The following RABGAP1L variants were observed in gnomAD, a reference collection of about 807,000 sequenced individuals.
RABGAP1L encodes the protein RAB GTPase activating protein 1 like, also known as rab GTPase-activating protein 1-like.
Under a neutral mutation model 137.7 loss-of-function variants are expected in RABGAP1L, and 63 were observed. That is an observed-to-expected ratio of 0.46 (90% CI 0.37 to 0.56). RABGAP1L has a LOEUF of 0.56. RABGAP1L is among the 20% of genes least tolerant of loss of function. The pLI is 0.00. For missense variants in RABGAP1L, 1,095 were observed against 1,244.0 expected, an observed-to-expected ratio of 0.88 and a Z score of 1.80; for synonymous variants, 431 against 433.7, an observed-to-expected ratio of 0.99 and a Z score of 0.08.
At chr1:174,246,482 G>A (rs984307793) in intron 5 of RABGAP1L, 2 of 152,120 alleles carry the variant, frequency 1.3e-5, no homozygotes, top group Admixed American at 6.5e-5. Flanking sequence ...CTACATCCAT[G>A]GAGTCAACTA....
intron 13 of RABGAP1L, among the ~76,000 whole-genome samples, chr1:174,424,990 G>GT (rs1354129110): frequency 6.6e-6 from 1 of 151,970 alleles, no homozygotes; most frequent in Non-Finnish European, 1.5e-5. Flanking sequence ...ATAATAGGAT[G>GT]TTTTACATTT....
intron 17 of RABGAP1L, among the ~76,000 whole-genome samples, chr1:174,713,448 G>C (rs1334902128): frequency 6.6e-6 from 1 of 152,158 alleles, no homozygotes; most frequent in Non-Finnish European, 1.5e-5. Flanking sequence ...TTGGATGATG[G>C]GGGCAGATCT....
At chr1:174,452,828 T>G (rs943749829) in intron 13 of RABGAP1L, among the ~76,000 whole-genome samples, 1 of 152,134 alleles carries the variant, frequency 6.6e-6, no homozygotes, top group African/African-American at 2.4e-5. Context: ...CCTGAAGTGC[T>G]GGGATTACAG....
chr1:174,179,865 A>G (rs571127609), intron 1 of RABGAP1L, among the ~76,000 whole-genome samples: 30 of 152,330 alleles, frequency 2.0e-4, no homozygotes, highest in Admixed American at 1.3e-3. Flanking sequence ...TTGTTGTTCA[A>G]TGTTACTTTT....
At chr1:174,948,427 G>A (rs1573966224) in intron 19 of RABGAP1L, among the ~76,000 whole-genome samples, 1 of 145,698 alleles carries the variant, frequency 6.9e-6, no homozygotes, top group Admixed American at 7.1e-5. Context: ...TAAGAGGTGG[G>A]ACTATCACTT....
At chr1:174,209,339 C>T (rs1287394428) in intron 1 of RABGAP1L, among the ~76,000 whole-genome samples, 1 of 152,058 alleles carries the variant, frequency 6.6e-6, no homozygotes, top group East Asian at 1.9e-4. Context: ...TATTTCTGGA[C>T]CTGCCCTGGA....
At chr1:174,665,786 T>C (rs1423676813) in intron 14 of RABGAP1L, among the ~76,000 whole-genome samples, 2 of 152,224 alleles carry the variant, frequency 1.3e-5, no homozygotes, top group African/African-American at 2.4e-5. Context: ...ATCTATAAAA[T>C]TGAGGATAAT....
At chr1:174,633,505 A>C (rs1191079696) in intron 13 of RABGAP1L, among the ~76,000 whole-genome samples, 1 of 151,072 alleles carries the variant, frequency 6.6e-6, no homozygotes, top group Non-Finnish European at 1.5e-5. Flanking sequence ...GCTACCAATG[A>C]CTTTCTTCAC....
chr1:174,380,172 C>G (rs1374364674), intron 12 of RABGAP1L, among the ~76,000 whole-genome samples: 5 of 151,386 alleles, frequency 3.3e-5, no homozygotes, highest in Non-Finnish European at 7.4e-5. Context: ...TTTTGATGTG[C>G]TGCTGGATTC....
intron 13 of RABGAP1L, among the ~76,000 whole-genome samples, chr1:174,468,963 G>A (rs1657607451): frequency 6.6e-6 from 1 of 152,114 alleles, no homozygotes; most frequent in African/African-American, 2.4e-5. Context: ...TCAGAGTTTT[G>A]CTTGAATATT....
chr1:174,880,187 A>G (rs1292240703), intron 19 of RABGAP1L, among the ~76,000 whole-genome samples: 1 of 152,148 alleles, frequency 6.6e-6, no homozygotes, highest in Non-Finnish European at 1.5e-5. Flanking sequence ...ATAATTACAT[A>G]TATTATATGA....
At chr1:174,171,563 A>G (rs1269918706) in intron 1 of RABGAP1L, among the ~76,000 whole-genome samples, 1 of 152,084 alleles carries the variant, frequency 6.6e-6, no homozygotes, top group Non-Finnish European at 1.5e-5. Flanking sequence ...ACTTCGCGCT[A>G]TACATTAGCT....
chr1:174,681,734 C>G (rs1678080600), intron 14 of RABGAP1L, among the ~76,000 whole-genome samples: 1 of 150,452 alleles, frequency 6.6e-6, no homozygotes, highest in African/African-American at 2.4e-5. Context: ...AAAGGGAGTT[C>G]CAGACTCTGT....
intron 10 of RABGAP1L, among the ~76,000 whole-genome samples, chr1:174,281,927 G>T (rs1449673470): frequency 6.6e-6 from 1 of 152,150 alleles, no homozygotes; most frequent in Non-Finnish European, 1.5e-5. Context: ...ACAGTAACTG[G>T]AATCATATGC....
intron 14 of RABGAP1L, among the ~76,000 whole-genome samples, chr1:174,655,154 T>TC (rs1448500705): frequency 1.3e-5 from 2 of 152,176 alleles, no homozygotes; most frequent in African/African-American, 2.4e-5. Flanking sequence ...ACAAGGGTAT[T>TC]CTTCTACATA....
At chr1:174,885,756 A>G (rs538122096) in intron 19 of RABGAP1L, among the ~76,000 whole-genome samples, 3 of 152,154 alleles carry the variant, frequency 2.0e-5, no homozygotes, top group Admixed American at 2.0e-4. Context: ...TCACGAGGTC[A>G]GGAGATCGAG....
chr1:174,849,060 G>T (rs1573491631), intron 19 of RABGAP1L, among the ~76,000 whole-genome samples: 1 of 152,198 alleles, frequency 6.6e-6, no homozygotes, highest in South Asian at 2.1e-4. Flanking sequence ...CTTCCCAGGT[G>T]AGGCAATGCC....
chr1:174,293,128 A>G (rs1176322677), intron 10 of RABGAP1L, among the ~76,000 whole-genome samples: 1 of 152,124 alleles, frequency 6.6e-6, no homozygotes, highest in East Asian at 1.9e-4. Flanking sequence ...TTTTTCCTGA[A>G]AACTTTTTTT....
intron 13 of RABGAP1L, among the ~76,000 whole-genome samples, chr1:174,610,392 T>A (rs1428091760): frequency 2.6e-5 from 4 of 151,664 alleles, no homozygotes; most frequent in African/African-American, 7.3e-5. Flanking sequence ...AACTCATCAT[T>A]TTTTATGGCT....
Sources: gnomAD v4.1 joint callset for allele counts (sites outside exome capture counted in the v4.1 genomes callset) on GRCh38, gnomAD v4.1.1 for gene constraint, MANE v1.5 for transcripts, NCBI Gene and HGNC (gene_info 2026-07-23, HGNC 2026-07-21) for gene names.